Variants in TRIM33 observed in about 807,000 individuals in gnomAD.
TRIM33 encodes tripartite motif containing 33.
Under a neutral mutation model 125.4 loss-of-function variants are expected in TRIM33, and 20 were observed. That is an observed-to-expected ratio of 0.16 (90% confidence interval 0.11 to 0.23). The LOEUF (loss-of-function observed/expected upper bound fraction) is 0.23, where lower values mean the gene tolerates loss of function less well. TRIM33 is among the 10% of genes least tolerant of loss of function. TRIM33 has a pLI of 1.00. For missense variants in TRIM33, 920 were observed against 1,411.4 expected, an observed-to-expected ratio of 0.65 and a Z score of 5.58; for synonymous variants, 564 against 513.9, an observed-to-expected ratio of 1.10 and a Z score of -1.32.
intron 1 of TRIM33, among the ~76,000 whole-genome samples, chr1:114,469,444 G>A (rs1254142400): frequency 6.6e-6 from 1 of 152,194 alleles, no homozygotes; most frequent in Admixed American, 6.5e-5. Context: ...AGATGCCGCT[G>A]TTCAAACTGT....
intron 16 of TRIM33, 55 bp downstream of exon 16, chr1:114,402,705 A>ATAT: frequency 6.3e-7 from 1 of 1,581,252 alleles, no homozygotes; most frequent in Non-Finnish European, 8.6e-7. Context: ...AAAGGTGTAT[A>ATAT]TATAGGCAGA....
intron 1 of TRIM33, among the ~76,000 whole-genome samples, chr1:114,502,048 T>C (rs566345491): frequency 6.6e-5 from 10 of 152,322 alleles, no homozygotes; most frequent in Non-Finnish European, 1.2e-4. Context: ...ATCTCTGAAG[T>C]TGGCTTAGAT....
intron 4 of TRIM33, among the ~76,000 whole-genome samples, chr1:114,442,095 C>T (rs527732728): frequency 3.9e-5 from 6 of 152,274 alleles, no homozygotes; most frequent in African/African-American, 1.4e-4. Flanking sequence ...GGACAGAGCA[C>T]ATTTTTTCAT....
chr1:114,431,455 T>A (rs1050496153), intron 5 of TRIM33, among the ~76,000 whole-genome samples: 1 of 152,238 alleles, frequency 6.6e-6, no homozygotes, highest in Non-Finnish European at 1.5e-5. Context: ...ATAAAACATT[T>A]TCAATCCATT....
chr1:114,445,229 G>A (rs1648902412), intron 4 of TRIM33, among the ~76,000 whole-genome samples: 1 of 152,110 alleles, frequency 6.6e-6, no homozygotes, highest in African/African-American at 2.4e-5. Flanking sequence ...AGTCCTAGGA[G>A]ACTTGGGGTG....
intron 1 of TRIM33, among the ~76,000 whole-genome samples, chr1:114,475,831 C>T (rs1442918049): frequency 6.6e-6 from 1 of 151,986 alleles, no homozygotes; most frequent in African/African-American, 2.4e-5. Context: ...AGCAAGACCC[C>T]ATCTCTAGAA....
intron 11 of TRIM33, chr1:114,420,319 C>T (rs1653198435): frequency 4.1e-6 from 4 of 983,280 alleles, no homozygotes; most frequent in Non-Finnish European, 5.8e-6. Flanking sequence ...CTAACCCCAT[C>T]CTTTTCTCAG....
At chr1:114,412,703 G>A (rs1305991495) in intron 11 of TRIM33, among the ~76,000 whole-genome samples, 1 of 151,808 alleles carries the variant, frequency 6.6e-6, no homozygotes, top group South Asian at 2.1e-4. Flanking sequence ...CCTTTTCACT[G>A]TTAGTTACTA....
chr1:114,429,845 C>T (rs751450734), intron 6 of TRIM33, among the ~76,000 whole-genome samples: 14 of 152,022 alleles, frequency 9.2e-5, no homozygotes, highest in Non-Finnish European at 1.6e-4. Context: ...CTTTCTGAAA[C>T]TTCAATTTCC....
chr1:114,495,120 G>A (rs1289916786), intron 1 of TRIM33, among the ~76,000 whole-genome samples: 1 of 152,102 alleles, frequency 6.6e-6, no homozygotes, highest in Non-Finnish European at 1.5e-5. Flanking sequence ...TCACCATGTT[G>A]GCCAGGCTGG....
intron 4 of TRIM33, among the ~76,000 whole-genome samples, chr1:114,448,272 T>C (rs1649112547): frequency 6.6e-6 from 1 of 152,084 alleles, no homozygotes; most frequent in Non-Finnish European, 1.5e-5. Flanking sequence ...TGGGTACAGG[T>C]GCTTGTTGGA....
In TRIM33 at chr1:114,448,238, T is replaced by A. The variant is rs186438724; in HGVS notation, c.924-14505A>T. Among the ~76,000 whole-genome samples, 17 of 152,334 alleles carry A rather than the reference T, an allele frequency of 1.1e-4. No homozygotes were observed. In the East Asian group the frequency reaches 2.5e-3, roughly 22 times the overall value. ...GCTTTCTAAAGGAAGAGAGTTCATC[T>A]AAGATAACAGAAATGTAGAAATATG... is the stretch of plus-strand genomic sequence containing the variant. On this transcript the variant is annotated intron_variant, in intron 4 of 19. Transcript: ENST00000358465.
At chr1:114,436,400 C>CAAAAAA (rs765728045) in intron 4 of TRIM33, among the ~76,000 whole-genome samples, 3 of 40,840 alleles carry the variant, frequency 7.3e-5, no homozygotes, top group African/African-American at 1.7e-4. Flanking sequence ...GACTCTGTCT[C>CAAAAAA]AAAAAAAAAA....
chr1:114,407,343 T>C (rs1557845147), intron 13 of TRIM33, among the ~76,000 whole-genome samples: 2 of 152,032 alleles, frequency 1.3e-5, no homozygotes, highest in Non-Finnish European at 2.9e-5. Context: ...AAGCACTTTC[T>C]TCACACACAC....
At chr1:114,463,065 T>C (rs771877034) in intron 4 of TRIM33, 39 bp downstream of exon 4, 1 of 1,516,994 alleles carries the variant, frequency 6.6e-7, no homozygotes, top group Non-Finnish European at 8.8e-7. Context: ...ACAAGCACTT[T>C]TTATAGTATT....
chr1:114,436,400 C>CAAAA (rs765728045), intron 4 of TRIM33, among the ~76,000 whole-genome samples: 8 of 40,840 alleles, frequency 2.0e-4, no homozygotes, highest in Admixed American at 5.8e-4. Flanking sequence ...GACTCTGTCT[C>CAAAA]AAAAAAAAAA....
intron 4 of TRIM33, among the ~76,000 whole-genome samples, chr1:114,451,837 A>G (rs1649330923): frequency 6.6e-6 from 1 of 152,320 alleles, no homozygotes; most frequent in East Asian, 1.9e-4. Flanking sequence ...CTTTTTCACT[A>G]TGCAGCAATT....
At chr1:114,478,495 T>C (rs1311885974) in intron 1 of TRIM33, among the ~76,000 whole-genome samples, 1 of 152,136 alleles carries the variant, frequency 6.6e-6, no homozygotes, top group Non-Finnish European at 1.5e-5. Flanking sequence ...CAGACATGGC[T>C]AATTGGGACA....
intron 1 of TRIM33, among the ~76,000 whole-genome samples, 163 bp downstream of exon 1, chr1:114,510,388 C>T (rs1194502707): frequency 2.6e-5 from 4 of 152,146 alleles, no homozygotes. Context: ...TCTTGCGGTC[C>T]AGCTTCTCTG....
Sources: allele counts gnomAD v4.1 joint callset (sites outside exome capture counted in the v4.1 genomes callset), GRCh38; gene constraint gnomAD v4.1.1; transcripts MANE v1.5; gene names NCBI Gene and HGNC (gene_info 2026-07-23, HGNC 2026-07-21).